The following TNKS variants were observed in gnomAD, a reference collection of about 807,000 sequenced individuals.
TNKS encodes poly [ADP-ribose] polymerase tankyrase-1.
A neutral mutation model predicts 135.8 loss-of-function variants in TNKS; 72 were observed. The ratio of observed to expected loss-of-function variants is 0.53; its 90% CI spans 0.44 to 0.64. TNKS has a LOEUF of 0.64. Among genes scored for constraint, TNKS ranks in the 30% least tolerant of loss-of-function variants. TNKS has a pLI of 0.00. For missense variants in TNKS, 1,769 were observed against 1,674.0 expected (o/e 1.06, Z -0.99); for synonymous variants, 849 against 649.3 (o/e 1.31, Z -4.68).
At chr8:9,753,785 G>A (rs1291819030) in intron 20 of TNKS, among the ~76,000 whole-genome samples, 1 of 152,182 alleles carries the variant, frequency 6.6e-6, no homozygotes, top group Non-Finnish European at 1.5e-5. Flanking sequence ...TAGAATGCTT[G>A]TAACTTAAAG....
At chr8:9,680,482 T>C (rs967101994) in intron 4 of TNKS, among the ~76,000 whole-genome samples, 2 of 152,198 alleles carry the variant, frequency 1.3e-5, no homozygotes, top group African/African-American at 4.8e-5. Context: ...GATGACTTTA[T>C]GTAGATAAAT....
intron 26 of TNKS, among the ~76,000 whole-genome samples, chr8:9,773,991 G>A (rs1227242011): frequency 6.6e-6 from 1 of 152,084 alleles, no homozygotes; most frequent in African/African-American, 2.4e-5. Flanking sequence ...CGTTTTATGT[G>A]TTTTTGATTG....
chr8:9,772,387 C>T (rs1807960651), intron 26 of TNKS: 2 of 455,254 alleles, frequency 4.4e-6, no homozygotes, highest in Non-Finnish European at 4.4e-6. Flanking sequence ...TCTAAAGGCA[C>T]GACATCTCTG....
At chr8:9,729,071 A>T (rs1211609709) in intron 13 of TNKS, among the ~76,000 whole-genome samples, 3 of 152,158 alleles carry the variant, frequency 2.0e-5, no homozygotes, top group African/African-American at 7.2e-5. Context: ...CTCTGCCTTC[A>T]AGGTGGTGTC....
intron 20 of TNKS, among the ~76,000 whole-genome samples, chr8:9,757,621 C>T (rs1806911327): frequency 6.6e-6 from 1 of 152,126 alleles, no homozygotes; most frequent in African/African-American, 2.4e-5. Flanking sequence ...AGGTCACCTT[C>T]ACGAGAGTTC....
At chr8:9,705,091 T>C (rs981359318) in intron 6 of TNKS, among the ~76,000 whole-genome samples, 1 of 152,182 alleles carries the variant, frequency 6.6e-6, no homozygotes, top group Non-Finnish European at 1.5e-5. Context: ...AGCATAGCTA[T>C]CAGATTCAAC....
intron 9 of TNKS, 27 bp from the exon 10 acceptor site, chr8:9,709,928 A>T (rs758332392): frequency 1.3e-5 from 21 of 1,577,394 alleles, no homozygotes; most frequent in Non-Finnish European, 1.8e-5. Context: ...AGTGTATTTT[A>T]TTAACTTGGT....
intron 3 of TNKS, among the ~76,000 whole-genome samples, chr8:9,619,653 A>G (rs1336832691): frequency 6.6e-6 from 1 of 152,130 alleles, no homozygotes; most frequent in South Asian, 2.1e-4. Context: ...ATCCAAATCT[A>G]TGATTTGATG....
rs1163803220 is a variant in TNKS at position 9,769,612 on chromosome 8, C to CTTTTTTTTT, written c.3741-477_3741-469dup. Among the ~76,000 whole-genome samples the CTTTTTTTTT allele has an allele frequency of 4.6e-4, 34 of 73,464 alleles. 1 individual carries two copies. Among genetic ancestry groups the CTTTTTTTTT allele is most frequent in the South Asian group, 2.4e-3 (4 of 1,680 alleles). 48.2% of individuals were successfully genotyped at this position (73,464 alleles called of 152,430 possible). A position where few individuals can be genotyped will look rare whatever the true frequency, so the allele number is the denominator to read the frequency against. Reference sequence around the variant, plus strand: ...GGCAAAACTTACTGGCAGGCATTTTCTTTTTTTTTTTTTTTTTTTTTTTTT... The same window carrying CTTTTTTTTT: ...GGCAAAACTTACTGGCAGGCATTTTCTTTTTTTTTTTTTTTTTTTTTTTTTTTTTTTTTT... On this transcript the variant is annotated intron_variant, in intron 25 of 26. Transcript: ENST00000310430.
At chr8:9,641,856 A>T (rs1481686411) in intron 3 of TNKS, among the ~76,000 whole-genome samples, 1 of 146,354 alleles carries the variant, frequency 6.8e-6, no homozygotes, top group Non-Finnish European at 1.5e-5. Context: ...TCTGTAAGAT[A>T]TGAAACTGTA....
rs551919430 is a variant in TNKS at position 9,606,726 on chromosome 8, T to A, written c.899-8856T>A. Among the ~76,000 whole-genome samples, 9 of 152,090 alleles carry A rather than the reference T, an allele frequency of 5.9e-5. No homozygotes were observed. The South Asian group carries it at 6.2e-4, about 11-fold the overall frequency. ...TTTTTTCTTGACCAGATCACATTTT[T>A]CTTTCTCTCTATATGTTTAATAATT... On this transcript the variant is annotated intron_variant, in intron 2 of 26. Transcript: ENST00000310430.
intron 3 of TNKS, among the ~76,000 whole-genome samples, chr8:9,678,100 A>T (rs1199979734): frequency 6.6e-6 from 1 of 152,240 alleles, no homozygotes; most frequent in Non-Finnish European, 1.5e-5. Flanking sequence ...TTAATAGAAT[A>T]ATATTCCTTG....
intron 6 of TNKS, among the ~76,000 whole-genome samples, chr8:9,705,170 G>A (rs1233075710): frequency 1.3e-5 from 2 of 151,974 alleles, no homozygotes; most frequent in Non-Finnish European, 2.9e-5. Flanking sequence ...TTTTTTTTCT[G>A]GTGAAATCTT....
At chr8:9,678,106 C>A (rs559151700) in intron 3 of TNKS, among the ~76,000 whole-genome samples, 1 of 152,102 alleles carries the variant, frequency 6.6e-6, no homozygotes, top group Non-Finnish European at 1.5e-5. Context: ...GAATAATATT[C>A]CTTGAGGTCA....
chr8:9,624,996 T>TA (rs1446621559), intron 3 of TNKS, among the ~76,000 whole-genome samples: 1 of 152,168 alleles, frequency 6.6e-6, no homozygotes, highest in African/African-American at 2.4e-5. Flanking sequence ...AACCCACAGA[T>TA]ACATAGGGCC....
chr8:9,764,624 CTATT>C (rs1204555800), intron 22 of TNKS, 88 bp from the exon 23 acceptor site: 30 of 889,264 alleles, frequency 3.4e-5, no homozygotes, highest in Middle Eastern at 2.3e-4. Flanking sequence ...TAGTGAACTC[CTATT>C]TATTTATTAA....
Position 9,748,211 on chromosome 8 carries a change from C to T in TNKS, c.2831C>T (p.Thr944Ile). 1 of 1,534,436 alleles carries T rather than the reference C, an allele frequency of 6.5e-7. No homozygotes were observed. ...GGCCAGACGCCTCTGGATCTGGCAA[C>T]AGTAAGTCCTCATTTCAGATACTGA... ...QEGQTPLDLATADDIRALLID... is the reference protein window; with the variant it reads ...QEGQTPLDLAIADDIRALLID... Residue 944 changes from threonine (T) to isoleucine (I), a missense_variant and splice_region_variant, in exon 18 of 27, where the codon ACA (threonine) becomes ATA (isoleucine). Physicochemically the swap from Thr to Ile is moderately conservative, Grantham distance 89. This residue lies in a region of TNKS where 722 missense variants were observed against 688.9 expected (regional missense o/e 1.05). Coordinates refer to ENST00000310430, the MANE Select transcript of TNKS (RefSeq NM_003747.3).
chr8:9,676,266 G>A (rs1243628705), intron 3 of TNKS, among the ~76,000 whole-genome samples: 1 of 151,892 alleles, frequency 6.6e-6, no homozygotes, highest in African/African-American at 2.4e-5. Flanking sequence ...ACCTGCTTTG[G>A]CCTCCCAGTG....
chr8:9,677,762 A>G (rs1200083267), intron 3 of TNKS, among the ~76,000 whole-genome samples: 2 of 152,174 alleles, frequency 1.3e-5, no homozygotes, highest in Non-Finnish European at 2.9e-5. Flanking sequence ...CTTAGCTTAG[A>G]GAGACATTCA....
Sources: allele counts gnomAD v4.1 joint callset (sites outside exome capture counted in the v4.1 genomes callset), GRCh38; gene constraint gnomAD v4.1.1; regional missense constraint gnomAD v4.1.1; transcripts MANE v1.5; gene names NCBI Gene and HGNC (gene_info 2026-07-23, HGNC 2026-07-21).